FABP3: variants seen among roughly 807,000 people sequenced by gnomAD.
FABP3 encodes the protein fatty acid-binding protein, heart.
FABP3 carries 8 observed loss-of-function variants against 13.4 expected under a neutral mutation model. That is an observed-to-expected ratio of 0.60 (90% CI 0.35 to 1.07). The LOEUF (loss-of-function observed/expected upper bound fraction) is 1.07. Ranked by LOEUF, FABP3 falls within the 50% of genes least tolerant of loss-of-function variation. The pLI is 0.02. For missense variants in FABP3, 135 were observed against 164.7 expected (o/e 0.82, Z 0.99); for synonymous variants, 64 against 60.0 (o/e 1.07, Z -0.31).
rs1640089823 is a variant in FABP3 at position 31,365,606 on chromosome 1, T to C, written c.*280A>G. 2.5e-6 allele frequency: 1 copy of C among 398,414 alleles called. No homozygotes were observed. The highest frequency in any genetic ancestry group is 4.7e-6 in the Non-Finnish European group (1 of 213,862). The allele number at this position is 398,414 out of a possible 1,614,324, so 24.7% of individuals were successfully genotyped here. A position where few individuals can be genotyped will look rare whatever the true frequency, so the allele number is the denominator to read the frequency against. On this transcript the variant is annotated 3_prime_UTR_variant, in exon 4 of 4. Coordinates refer to ENST00000373713, the MANE Select transcript of FABP3 (RefSeq NM_004102.5). ...TCTGCCCACTCTCTGACACACAGGATAAACCAAGACTCCCAGAGTTATGTT... is the reference window on the plus strand; with the variant it reads ...TCTGCCCACTCTCTGACACACAGGACAAACCAAGACTCCCAGAGTTATGTT...
At chr1:31,361,234 T>C (rs1255031217), downstream of FABP3, among the ~76,000 whole-genome samples, 1 of 152,200 alleles carries the variant, frequency 6.6e-6, no homozygotes, top group Non-Finnish European at 1.5e-5. Context: ...CTCTACTCCA[T>C]TGGAGATGCC....
intron 1 of FABP3, among the ~76,000 whole-genome samples, chr1:31,370,974 T>G (rs1246357239): frequency 6.6e-6 from 1 of 152,236 alleles, no homozygotes; most frequent in Non-Finnish European, 1.5e-5. Flanking sequence ...CAGTTTACAA[T>G]GAAGAGTGCG....
At chr1:31,360,120 C>G in the FABP3 span, among the ~76,000 whole-genome samples, 1 of 152,078 alleles carries the variant, frequency 6.6e-6, no homozygotes, top group East Asian at 1.9e-4. Context: ...GCTGGGATTA[C>G]AGGCATGTGC....
chr1:31,363,964 A>G (rs1640031180), downstream of FABP3: 7 of 1,570,424 alleles, frequency 4.5e-6, no homozygotes, highest in East Asian at 4.5e-5. Context: ...CACCTGGCCA[A>G]TTATGTGCTA....
At chr1:31,361,243 C>T (rs962594140), downstream of FABP3, among the ~76,000 whole-genome samples, 7 of 152,166 alleles carry the variant, frequency 4.6e-5, no homozygotes, top group African/African-American at 7.2e-5. Context: ...ATTGGAGATG[C>T]CAAGGAAGAA....
chr1:31,364,442 A>G, downstream of FABP3: 1 of 537,188 alleles, frequency 1.9e-6, no homozygotes, highest in Non-Finnish European at 3.1e-6. Flanking sequence ...TCACCCATTC[A>G]TTCACCCAAC....
chr1:31,364,393 C>CT (rs773578943), downstream of FABP3: 20 of 893,038 alleles, frequency 2.2e-5, no homozygotes, highest in South Asian at 2.7e-4. Flanking sequence ...TTGTTGTTTC[C>CT]TTATCACTCC....
chr1:31,366,009 T>C (rs1640103054), intron 3 of FABP3, 70 bp from the exon 4 acceptor site: 1 of 1,354,140 alleles, frequency 7.4e-7, no homozygotes, highest in Admixed American at 1.8e-5. Flanking sequence ...TACCCTCCCT[T>C]CCTCCTGATA....
chr1:31,362,807 C>T (rs1639965901), downstream of FABP3, among the ~76,000 whole-genome samples: 1 of 152,120 alleles, frequency 6.6e-6, no homozygotes, highest in Admixed American at 6.5e-5. Flanking sequence ...CGCCTTTCAG[C>T]TTTAATGTCC....
downstream of FABP3, chr1:31,364,327 C>G (rs3766294): frequency 0.037 from 52,519 of 1,412,524 alleles, 2,862 homozygotes; most frequent in South Asian, 0.2. Context: ...GATGGCTTCC[C>G]CTCATGCAAC....
chr1:31,369,463 G>A lies in FABP3; in HGVS notation c.168C>T (p.Ser56=), dbSNP rs1420186983. The A allele has an allele frequency of 6.2e-7, 1 of 1,614,172 alleles. No homozygotes were observed. Among genetic ancestry groups the A allele is most frequent in the Non-Finnish European group, 8.5e-7 (1 of 1,180,034 alleles). The part of the protein sequence containing the change: ...NGDILTLKTH[S]TFKNTEISFK... ...AGCTGATCTCTGTGTTCTTGAAGGT[G>A]CTGTGTGTTTTTAGGGTGAGAATGT... The change falls in exon 2 of 4, where the codon AGC becomes AGT. Residue 56 remains serine (S), a synonymous_variant. Transcript: ENST00000373713.
chr1:31,361,549 T>C (rs1016687662), downstream of FABP3, among the ~76,000 whole-genome samples: 1 of 152,232 alleles, frequency 6.6e-6, no homozygotes, highest in Non-Finnish European at 1.5e-5. Context: ...AACTTAATTC[T>C]ATCTTATTCC....
Position 31,372,827 on chromosome 1 carries a change from C to T in FABP3, c.73+115G>A, listed in dbSNP as rs151075016. ...GCTCTAGGCCAGGCTGCCATCTCCG[C>T]GCTCCCCTATTCCCCAGTCTTAACC... On this transcript the variant is annotated intron_variant, in intron 1 of 3. Coordinates refer to ENST00000373713, the MANE Select transcript of FABP3 (RefSeq NM_004102.5). 5,195 of 1,027,088 alleles carry T rather than the reference C, an allele frequency of 5.1e-3. 31 individuals carry two copies. Among genetic ancestry groups the T allele is most frequent in the Middle Eastern group, 0.01 (48 of 4,794 alleles). 63.6% of individuals were successfully genotyped at this position (1,027,088 alleles called of 1,614,324 possible). A position where few individuals can be genotyped will look rare whatever the true frequency, so the allele number is the denominator to read the frequency against.
Position 31,367,507 on chromosome 1 carries a change from G to T in FABP3, c.247-13C>A, listed in dbSNP as rs773057268. On this transcript the variant is annotated splice_polypyrimidine_tract_variant and intron_variant, in intron 2 of 3. Coordinates refer to ENST00000373713, the MANE Select transcript of FABP3 (RefSeq NM_004102.5). ...GTGTCACAATGGACTGTGGAAAGAG[G>T]GTAGAGGCCTGAGCTGTGATCTTAG... 3.1e-6 allele frequency: 5 copies of T among 1,606,496 alleles called. No homozygotes were observed. The highest frequency in any genetic ancestry group is 3.3e-4 in the Middle Eastern group (2 of 6,070).
chr1:31,365,803 G>T lies in FABP3; in HGVS notation c.*83C>A. 7.9e-7 allele frequency: 1 copy of T among 1,264,648 alleles called. No individual in the cohort carries two copies. The highest frequency in any genetic ancestry group is 1.2e-6 in the Non-Finnish European group (1 of 868,982). The allele number at this position is 1,264,648 out of a possible 1,614,324, so 78.3% of individuals were successfully genotyped here. On this transcript the variant is annotated 3_prime_UTR_variant, in exon 4 of 4. Coordinates refer to ENST00000373713, the MANE Select transcript of FABP3 (RefSeq NM_004102.5). The stretch of plus-strand genomic sequence containing the variant: ...AAGAATTCGTGGATTTGTACAAAAT[G>T]CAGAGGAAGAAATGAGGCAATGTGG...
At chr1:31,366,338 G>A (rs1341785486) in intron 3 of FABP3, among the ~76,000 whole-genome samples, 1 of 152,122 alleles carries the variant, frequency 6.6e-6, no homozygotes, top group African/African-American at 2.4e-5. Context: ...AAAGGACTGT[G>A]TTTGGCTACT....
downstream of FABP3, among the ~76,000 whole-genome samples, chr1:31,362,915 C>T (rs1639972137): frequency 6.6e-6 from 1 of 152,152 alleles, no homozygotes; most frequent in South Asian, 2.1e-4. Context: ...ATATCCTTTC[C>T]CCCATTCAGT....
At chr1:31,372,876 G>T in intron 1 of FABP3, 66 bp downstream of exon 1, 1 of 1,464,324 alleles carries the variant, frequency 6.8e-7, no homozygotes, top group Non-Finnish European at 9.5e-7. Context: ...CAGGAGTGCT[G>T]CGTGGGGCTA....
downstream of FABP3, chr1:31,364,167 A>G: frequency 6.2e-7 from 1 of 1,613,580 alleles, no homozygotes; most frequent in Non-Finnish European, 8.5e-7. Context: ...AAAGAAGAAG[A>G]AGCACAAGAA....
Sources: allele counts gnomAD v4.1 joint callset (sites outside exome capture counted in the v4.1 genomes callset), GRCh38; gene constraint gnomAD v4.1.1; transcripts MANE v1.5; gene names NCBI Gene and HGNC (gene_info 2026-07-23, HGNC 2026-07-21).